The following FHIT variants were observed in gnomAD, a reference collection of about 807,000 sequenced individuals.
FHIT encodes bis(5'-adenosyl)-triphosphatase.
FHIT carries 19 observed loss-of-function variants against 17.9 expected under a neutral mutation model. The observed-to-expected ratio is 1.06, with a 90% confidence interval of 0.74 to 1.56. The LOEUF (loss-of-function observed/expected upper bound fraction) is 1.56. Among genes scored for constraint, FHIT ranks in the 40% most tolerant of loss-of-function variants. FHIT has a pLI of 0.00. For synonymous variants in FHIT, 81 were observed against 69.7 expected (o/e 1.16, Z -0.81); for missense variants, 248 against 189.2 (o/e 1.31, Z -1.82).
intron 9 of FHIT, chr3:59,751,205 A>C (rs542549715): frequency 1.6e-4 from 28 of 171,722 alleles, no homozygotes; most frequent in African/African-American, 7.0e-4. Context: ...CTATATTTAT[A>C]AACAAATTTC....
intron 4 of FHIT, among the ~76,000 whole-genome samples, chr3:60,747,691 C>A (rs2042386332): frequency 6.6e-6 from 1 of 152,152 alleles, no homozygotes. Context: ...GCAACAGAAT[C>A]AACGACAATT....
At chr3:59,754,383 T>G (rs1032870662) in intron 8 of FHIT, among the ~76,000 whole-genome samples, 2 of 152,230 alleles carry the variant, frequency 1.3e-5, no homozygotes, top group African/African-American at 2.4e-5. Context: ...AGTCATTTCC[T>G]TTCTTGCAGA....
chr3:60,299,524 A>C (rs1182353668), intron 5 of FHIT, among the ~76,000 whole-genome samples: 1 of 152,128 alleles, frequency 6.6e-6, no homozygotes, highest in Non-Finnish European at 1.5e-5. Context: ...AGTATGGAAA[A>C]AATATGATGC....
chr3:59,874,250 C>CA (rs1462689501), intron 8 of FHIT, among the ~76,000 whole-genome samples: 1 of 152,096 alleles, frequency 6.6e-6, no homozygotes, highest in Admixed American at 6.5e-5. Flanking sequence ...CTTCTCTGGC[C>CA]AAAAAACAAT....
intron 4 of FHIT, among the ~76,000 whole-genome samples, chr3:60,812,208 G>GTTGT (rs1559741308): frequency 6.9e-6 from 1 of 143,948 alleles, no homozygotes; most frequent in East Asian, 2.0e-4. Context: ...GAGTCTGGCT[G>GTTGT]TTGTTGCTCA....
At chr3:61,177,723 A>G (rs1052476228) in intron 2 of FHIT, among the ~76,000 whole-genome samples, 3 of 152,172 alleles carry the variant, frequency 2.0e-5, no homozygotes, top group African/African-American at 7.2e-5. Flanking sequence ...CCTATCTCAC[A>G]TGACTGATAC....
intron 5 of FHIT, among the ~76,000 whole-genome samples, chr3:60,409,250 G>T (rs1488351312): frequency 1.3e-5 from 2 of 152,164 alleles, no homozygotes; most frequent in Non-Finnish European, 2.9e-5. Flanking sequence ...AAACTTCTAA[G>T]CAAAGAAACT....
Position 60,895,670 on chromosome 3 carries a change from CTTTCTTTCTTTCTTTCTTTCTTTCTTT to C in FHIT, c.-110-73686_-110-73660del, listed in dbSNP as rs1559808643. 6.3e-3 allele frequency among the ~76,000 whole-genome samples: 188 copies of C among 29,946 alleles called. 2 individuals are homozygous for C. Among genetic ancestry groups the C allele is most frequent in the Non-Finnish European group, 2.5e-3 (23 of 9,202 alleles). 19.6% of individuals were successfully genotyped at this position (29,946 alleles called of 152,430 possible). A position where few individuals can be genotyped will look rare whatever the true frequency, so the allele number is the denominator to read the frequency against. ...CTTTCCCTCCTTCCTTCCTTCCTTTCTTTCTTTCTTTCTTTCTTTCTTTCTTTCTTTCTTTCTTTCTTTCTTTCTTTC... is the reference window on the plus strand; with the variant it reads ...CTTTCCCTCCTTCCTTCCTTCCTTTCCTTTCTTTCTTTCTTTCTTTCTTTC... On this transcript the variant is annotated intron_variant, in intron 3 of 9. Transcript: ENST00000492590.
At chr3:60,540,013 A>G (rs887410140) in intron 4 of FHIT, among the ~76,000 whole-genome samples, 40 of 151,890 alleles carry the variant, frequency 2.6e-4, no homozygotes, top group African/African-American at 9.4e-4. Flanking sequence ...GCAGGATTAT[A>G]GGGCCAGAAC....
At chr3:60,409,376 C>G (rs531149283) in intron 5 of FHIT, among the ~76,000 whole-genome samples, 30 of 152,260 alleles carry the variant, frequency 2.0e-4, no homozygotes, top group African/African-American at 7.2e-4. Context: ...TGAGACCAAT[C>G]TGTGGAGTTC....
chr3:60,423,756 A>T (rs1011231467), intron 5 of FHIT, among the ~76,000 whole-genome samples: 7 of 152,162 alleles, frequency 4.6e-5, no homozygotes, highest in Admixed American at 3.9e-4. Context: ...GACCATTAGC[A>T]CACCTGAAAC....
intron 4 of FHIT, among the ~76,000 whole-genome samples, chr3:60,686,990 C>T (rs1396352460): frequency 1.3e-5 from 2 of 152,190 alleles, no homozygotes; most frequent in African/African-American, 4.8e-5. Context: ...TGAGGGTTTA[C>T]AGACTACATG....
At chr3:59,992,636 T>C (rs1218364827) in intron 7 of FHIT, among the ~76,000 whole-genome samples, 1 of 152,098 alleles carries the variant, frequency 6.6e-6, no homozygotes, top group Non-Finnish European at 1.5e-5. Flanking sequence ...TAAATATTGA[T>C]TAGAGTTTTT....
intron 3 of FHIT, among the ~76,000 whole-genome samples, chr3:60,845,583 C>T (rs887180233): frequency 2.6e-5 from 4 of 152,066 alleles, no homozygotes; most frequent in Non-Finnish European, 4.4e-5. Context: ...ATTTCACTTG[C>T]GATGCTATCT....
chr3:60,610,339 G>A (rs576570461), intron 4 of FHIT, among the ~76,000 whole-genome samples: 1 of 152,190 alleles, frequency 6.6e-6, no homozygotes, highest in East Asian at 1.9e-4. Flanking sequence ...ATTAATTAAT[G>A]ATATTAGGGT....
chr3:60,001,196 T>C (rs12497400), intron 7 of FHIT, among the ~76,000 whole-genome samples: 14,395 of 152,226 alleles, frequency 0.095, 937 homozygotes, highest in South Asian at 0.21. Context: ...CACTGAGAGT[T>C]TTTCCTAGGC....
chr3:60,423,350 G>T (rs79600961), intron 5 of FHIT, among the ~76,000 whole-genome samples: 2,218 of 152,148 alleles, frequency 0.015, 38 homozygotes, highest in Non-Finnish European at 0.021. Context: ...TCTACAATGG[G>T]TTTTCTGAGT....
chr3:60,878,144 C>T (rs1704757258), intron 3 of FHIT, among the ~76,000 whole-genome samples: 1 of 152,090 alleles, frequency 6.6e-6, no homozygotes, highest in Non-Finnish European at 1.5e-5. Context: ...GGTAGAATCA[C>T]AGCTACAACC....
chr3:60,154,860 A>T (rs1487717862), intron 5 of FHIT, among the ~76,000 whole-genome samples: 1 of 152,196 alleles, frequency 6.6e-6, no homozygotes. Flanking sequence ...ATACTAAATT[A>T]TCTCTAATAG....
Sources: gnomAD v4.1 joint callset for allele counts (sites outside exome capture counted in the v4.1 genomes callset) on GRCh38, gnomAD v4.1.1 for gene constraint, MANE v1.5 for transcripts, NCBI Gene and HGNC (gene_info 2026-07-23, HGNC 2026-07-21) for gene names.